MAP3K14: variants seen among roughly 807,000 people sequenced by gnomAD.
MAP3K14 encodes mitogen-activated protein kinase kinase kinase 14.
A neutral mutation model predicts 99.2 loss-of-function variants in MAP3K14; 16 were observed. The ratio of observed to expected loss-of-function variants is 0.16; its 90% confidence interval spans 0.11 to 0.24. The LOEUF is 0.24. Among genes scored for constraint, MAP3K14 ranks in the 10% least tolerant of loss-of-function variants. MAP3K14 has a pLI of 1.00. For missense variants in MAP3K14, 784 were observed against 1,208.7 expected, an observed-to-expected ratio of 0.65 and a Z score of 5.21; for synonymous variants, 462 against 492.4, an observed-to-expected ratio of 0.94 and a Z score of 0.82.
chr17:45,296,369 T>TA (rs1030400046), intron 1 of MAP3K14, among the ~76,000 whole-genome samples: 3 of 151,508 alleles, frequency 2.0e-5, no homozygotes, highest in African/African-American at 7.3e-5. Context: ...TACAAAAAAT[T>TA]AAAAAATTAG....
At chr17:45,297,861 G>A (rs977990151) in intron 1 of MAP3K14, among the ~76,000 whole-genome samples, 1 of 152,076 alleles carries the variant, frequency 6.6e-6, no homozygotes, top group East Asian at 1.9e-4. Flanking sequence ...TGGGATTACA[G>A]GCATGTGCCA....
chr17:45,265,364 C>T, intron 14 of MAP3K14, 101 bp from the exon 15 acceptor site: 1 of 773,930 alleles, frequency 1.3e-6, no homozygotes, highest in South Asian at 1.4e-5. Context: ...AAAAGTCACT[C>T]TGCCCTATGT....
At chr17:45,302,628 G>T (rs532919406) in intron 1 of MAP3K14, among the ~76,000 whole-genome samples, 1 of 152,232 alleles carries the variant, frequency 6.6e-6, no homozygotes, top group Non-Finnish European at 1.5e-5. Context: ...TTTTAATCAT[G>T]AAAACAACTA....
chr17:45,310,070 T>C (rs1481227423), intron 1 of MAP3K14, among the ~76,000 whole-genome samples: 1 of 149,598 alleles, frequency 6.7e-6, no homozygotes, highest in African/African-American at 2.5e-5. Flanking sequence ...GTTTCGCTCT[T>C]GTCGCCCAGG....
At chr17:45,266,734 C>T (rs2044088197) in intron 13 of MAP3K14, 53 bp from the exon 14 acceptor site, 3 of 1,560,340 alleles carry the variant, frequency 1.9e-6, no homozygotes, top group Middle Eastern at 1.7e-4. Flanking sequence ...CAGGATCCAT[C>T]TCCGGCTTGG....
Position 45,287,049 on chromosome 17 carries a change from C to T in MAP3K14, c.538-4G>A, listed in dbSNP as rs534556740. On this transcript the variant is annotated splice_polypyrimidine_tract_variant and splice_region_variant and intron_variant, in intron 4 of 15. Transcript: ENST00000344686. ...CGCCGAGTGGAGACTCATCCTCCTG[C>T]GGGGGGAAACACAGCTATCAGCACA... The T allele has an allele frequency of 1.9e-5, 30 of 1,609,160 alleles. No homozygotes were observed. Among genetic ancestry groups the T allele is most frequent in the South Asian group, 1.4e-4 (13 of 90,856 alleles).
intron 14 of MAP3K14, chr17:45,266,103 GA>G (rs1183230513): frequency 1.3e-5 from 2 of 156,694 alleles, no homozygotes; most frequent in African/African-American, 4.8e-5. Context: ...AATCAAGCTT[GA>G]AAACGAAGGA....
chr17:45,281,202 T>G (rs1459378326), intron 6 of MAP3K14, among the ~76,000 whole-genome samples: 1 of 151,778 alleles, frequency 6.6e-6, no homozygotes, highest in Non-Finnish European at 1.5e-5. Context: ...GCTCAAGCGA[T>G]CCTCCCACCT....
chr17:45,274,639 G>A, intron 6 of MAP3K14, 46 bp from the exon 7 acceptor site: 1 of 1,598,290 alleles, frequency 6.3e-7, no homozygotes, highest in Middle Eastern at 2.1e-4. Flanking sequence ...GAGGGGACCA[G>A]AGCTGGGTCC....
At chr17:45,292,522 T>C (rs2044318778) in intron 1 of MAP3K14, among the ~76,000 whole-genome samples, 1 of 152,108 alleles carries the variant, frequency 6.6e-6, no homozygotes, top group East Asian at 1.9e-4. Flanking sequence ...GATTGCACCA[T>C]TGCATTCTCC....
chr17:45,282,046 G>A (rs1370865335), intron 6 of MAP3K14: 1 of 152,158 alleles, frequency 6.6e-6, no homozygotes, highest in Non-Finnish European at 1.5e-5. Flanking sequence ...TATTCTCAGA[G>A]GTAACTGCCC....
chr17:45,274,453 TG>T lies in MAP3K14; in HGVS notation c.1420+10del. Reference sequence around the variant, plus strand: ...CTGAATTTGGAGAAAGAGTGGGACCTGGCTCCTTACCTTCCAGCAGCTCCAT... The same window carrying T: ...CTGAATTTGGAGAAAGAGTGGGACCTGCTCCTTACCTTCCAGCAGCTCCAT... On this transcript the variant is annotated intron_variant, in intron 7 of 15. Transcript: ENST00000344686. 1 of 1,613,398 alleles carries T rather than the reference TG, an allele frequency of 6.2e-7. No homozygotes were observed. Among genetic ancestry groups the T allele is most frequent in the Non-Finnish European group, 8.5e-7 (1 of 1,179,652 alleles).
chr17:45,310,469 C>G (rs1482387982), intron 1 of MAP3K14, among the ~76,000 whole-genome samples: 1 of 152,168 alleles, frequency 6.6e-6, no homozygotes, highest in Non-Finnish European at 1.5e-5. Flanking sequence ...TAAAAGGAAA[C>G]TTTAATGTCA....
chr17:45,303,829 G>A (rs968621165), intron 1 of MAP3K14, among the ~76,000 whole-genome samples: 11 of 149,964 alleles, frequency 7.3e-5, no homozygotes, highest in African/African-American at 2.2e-4. Flanking sequence ...TGATCCAGCC[G>A]CCTCGGCCTC....
intron 11 of MAP3K14, among the ~76,000 whole-genome samples, chr17:45,269,581 G>T (rs1193190779): frequency 2.6e-5 from 4 of 152,142 alleles, no homozygotes; most frequent in Non-Finnish European, 2.9e-5. Flanking sequence ...ACCATCCCAC[G>T]TACTGGGAGG....
At chr17:45,298,809 G>C (rs923557460) in intron 1 of MAP3K14, among the ~76,000 whole-genome samples, 1 of 152,200 alleles carries the variant, frequency 6.6e-6, no homozygotes, top group Non-Finnish European at 1.5e-5. Flanking sequence ...ACAGTCTACT[G>C]GGGGAAACAG....
chr17:45,273,681 G>A, intron 8 of MAP3K14, 74 bp from the exon 9 acceptor site: 1 of 1,128,592 alleles, frequency 8.9e-7, no homozygotes, highest in Non-Finnish European at 1.3e-6. Flanking sequence ...GCTCGGTTTG[G>A]CCTGCCCTCC....
intron 9 of MAP3K14, among the ~76,000 whole-genome samples, chr17:45,271,480 G>T (rs1164549201): frequency 1.3e-5 from 2 of 152,164 alleles, no homozygotes; most frequent in Admixed American, 1.3e-4. Flanking sequence ...CAAGTAGCTG[G>T]AATTACAGGC....
intron 1 of MAP3K14, among the ~76,000 whole-genome samples, chr17:45,295,475 T>A (rs1001976202): frequency 6.6e-6 from 1 of 152,172 alleles, no homozygotes; most frequent in African/African-American, 2.4e-5. Context: ...TCCTTCTAGT[T>A]CTGAGAATGT....
Sources: allele counts gnomAD v4.1 joint callset (sites outside exome capture counted in the v4.1 genomes callset), GRCh38; gene constraint gnomAD v4.1.1; transcripts MANE v1.5; gene names NCBI Gene and HGNC (gene_info 2026-07-23, HGNC 2026-07-21).